Variants in PRMT8 observed in about 807,000 individuals in gnomAD.
PRMT8 encodes the protein protein arginine methyltransferase 8.
Under a neutral mutation model 47.1 loss-of-function variants are expected in PRMT8, and 7 were observed. The observed-to-expected ratio is 0.15, with a 90% CI of 0.08 to 0.28. The LOEUF (loss-of-function observed/expected upper bound fraction) is 0.28, where lower values mean the gene tolerates loss of function less well. Ranked by LOEUF, PRMT8 falls within the 10% of genes least tolerant of loss-of-function variation. The pLI is 1.00. For missense variants in PRMT8, 237 were observed against 505.4 expected (o/e 0.47, Z 5.09); for synonymous variants, 188 against 186.5 (o/e 1.01, Z -0.07).
intron 1 of PRMT8, among the ~76,000 whole-genome samples, chr12:3,517,149 G>A (rs1040916351): frequency 1.3e-5 from 2 of 152,158 alleles, no homozygotes; most frequent in Admixed American, 6.5e-5. Flanking sequence ...TGTGCACCAG[G>A]GGATCAGTTG....
intron 1 of PRMT8, among the ~76,000 whole-genome samples, chr12:3,533,331 G>T (rs1866064151): frequency 6.6e-6 from 1 of 152,216 alleles, no homozygotes; most frequent in African/African-American, 2.4e-5. Context: ...CGTCTCGCAG[G>T]ACTGGCAACA....
chr12:3,522,369 A>C (rs1240182064), intron 1 of PRMT8, among the ~76,000 whole-genome samples: 16 of 152,164 alleles, frequency 1.1e-4, no homozygotes, highest in Admixed American at 1.0e-3. Context: ...TACCACTTAA[A>C]GAAAAACAAG....
At chr12:3,445,258 G>T (rs1488730236) in intron 1 of PRMT8, among the ~76,000 whole-genome samples, 2 of 152,238 alleles carry the variant, frequency 1.3e-5, no homozygotes, top group Non-Finnish European at 2.9e-5. Context: ...CCCAGGGAAA[G>T]GTGGCCGGGG....
intron 7 of PRMT8, among the ~76,000 whole-genome samples, chr12:3,577,766 A>G (rs1281902565): frequency 1.3e-5 from 2 of 152,174 alleles, no homozygotes; most frequent in African/African-American, 4.8e-5. Flanking sequence ...GACCCACGGT[A>G]GCCAAAAGAT....
intron 1 of PRMT8, among the ~76,000 whole-genome samples, chr12:3,517,740 T>A (rs952440361): frequency 5.9e-5 from 9 of 151,830 alleles, no homozygotes; most frequent in East Asian, 3.9e-4. Context: ...AGAGGGAACT[T>A]AAAAACCCCT....
chr12:3,533,721 G>A (rs74056107), intron 1 of PRMT8, among the ~76,000 whole-genome samples: 89 of 152,372 alleles, frequency 5.8e-4, no homozygotes, highest in African/African-American at 1.9e-3. Flanking sequence ...GAGGGTGCAT[G>A]TAGGGCTGTC....
At position 3,546,201 on chromosome 12, in the gene PRMT8, T is replaced by C. The variant is rs996487877; in HGVS notation, c.262-3735T>C. ...TTTGGAGACGGAAATTCAAGCAATA[T>C]TTAGAGGGAAATTTACAGCTTCAAA... On this transcript the variant is annotated intron_variant, in intron 2 of 9. Coordinates refer to ENST00000382622, the MANE Select transcript of PRMT8 (RefSeq NM_019854.5). Among the ~76,000 whole-genome samples, 4 of 152,118 alleles carry C rather than the reference T, an allele frequency of 2.6e-5. No homozygotes were observed. The South Asian group carries it at 8.3e-4, about 32-fold the overall frequency.
intron 1 of PRMT8, among the ~76,000 whole-genome samples, chr12:3,496,199 G>GATATATATATAT (rs1555085720): frequency 0.012 from 368 of 31,294 alleles, 30 homozygotes; most frequent in East Asian, 0.023. Context: ...TTTGGAAACT[G>GATATATATATAT]ATATATATAT....
intron 1 of PRMT8, among the ~76,000 whole-genome samples, chr12:3,410,532 G>A (rs1247817789): frequency 2.0e-5 from 3 of 151,998 alleles, no homozygotes; most frequent in East Asian, 1.9e-4. Flanking sequence ...TTTTTGAGAC[G>A]GAGTCTTGCT....
In PRMT8 at chr12:3,461,758, GACACAAAGTATA is replaced by G. The variant is rs539529076; in HGVS notation, c.49-78846_49-78835del. ...TGTTAACCTAAAAGGAAGAGGCTGA[GACACAAAGTATA>G]ATTTAAAGAGTTTACTTGAACCAAA... is the stretch of plus-strand genomic sequence containing the variant. On this transcript the variant is annotated intron_variant, in intron 1 of 9. Coordinates refer to the PRMT8 transcript ENST00000452611. Among the ~76,000 whole-genome samples the G allele has an allele frequency of 4.0e-5, 6 of 150,598 alleles. No homozygotes were observed. In the East Asian group the frequency reaches 1.2e-3, roughly 29 times the overall value.
At position 3,580,319 on chromosome 12, in the gene PRMT8, A is replaced by T. The variant is rs1363840671; in HGVS notation, c.829-2739A>T. On this transcript the variant is annotated intron_variant, in intron 7 of 9. Coordinates refer to ENST00000382622, the MANE Select transcript of PRMT8 (RefSeq NM_019854.5). The surrounding 1 kb of genome is among the most constrained non-coding windows in gnomAD (Gnocchi z 4.6). ...ATCCTTTAGAGGTGGAATTCCTGCC[A>T]GATGGGGGGTGCGTGTGCGTGTGTG... is the stretch of plus-strand genomic sequence containing the variant. 6.8e-6 allele frequency among the ~76,000 whole-genome samples: 1 copy of T among 147,792 alleles called. No individual in the cohort carries two copies. Among genetic ancestry groups the T allele is most frequent in the Non-Finnish European group, 1.5e-5 (1 of 67,064 alleles).
Position 3,557,038 on chromosome 12 carries a change from A to G in PRMT8, c.481+3324A>G, listed in dbSNP as rs892824661. 6.6e-6 allele frequency among the ~76,000 whole-genome samples: 1 copy of G among 152,180 alleles called. No individual in the cohort carries two copies. The highest frequency in any genetic ancestry group is 1.5e-5 in the Non-Finnish European group (1 of 68,030). ...CTTGTTTTGCTGCTTTCATTTGCTT[A>G]GTGAAGAATGAGACAGTTGCATGCC... is the stretch of plus-strand genomic sequence containing the variant. On this transcript the variant is annotated intron_variant, in intron 4 of 9. Coordinates refer to ENST00000382622, the MANE Select transcript of PRMT8 (RefSeq NM_019854.5). This position sits in a 1 kb window ranked among gnomAD's most constrained non-coding sequence, Gnocchi z 4.7.
intron 1 of PRMT8, among the ~76,000 whole-genome samples, chr12:3,485,429 T>C (rs1555084220): frequency 6.6e-6 from 1 of 152,204 alleles, no homozygotes; most frequent in Non-Finnish European, 1.5e-5. Context: ...GAACTGGCAA[T>C]GGATATTAAG....
intron 1 of PRMT8, among the ~76,000 whole-genome samples, chr12:3,397,632 T>C (rs934554302): frequency 4.8e-4 from 73 of 151,738 alleles, no homozygotes; most frequent in Middle Eastern, 3.4e-3. Flanking sequence ...GACAGGGACA[T>C]TTAAGTCTGC....
intron 1 of PRMT8, among the ~76,000 whole-genome samples, chr12:3,528,743 C>T (rs894674180): frequency 3.3e-5 from 5 of 152,046 alleles, no homozygotes; most frequent in African/African-American, 1.2e-4. Context: ...AATTTTACCT[C>T]ATTGGGTGAT....
At chr12:3,541,377 G>C (rs1315513782) in intron 2 of PRMT8, among the ~76,000 whole-genome samples, 1 of 152,150 alleles carries the variant, frequency 6.6e-6, no homozygotes, top group African/African-American at 2.4e-5. Context: ...CTCCTAACAA[G>C]AGGCATCCTG....
In PRMT8 at chr12:3,491,757, G is replaced by GCGCCGC. The variant is rs1230882766; in HGVS notation, c.75+67_75+72dup. Reference sequence around the variant, plus strand: ...GACCCCGCCGCCCACCCGGACCACCGCGCCGCCGCCGCCGCTCAGCGCCGA... The same window carrying GCGCCGC: ...GACCCCGCCGCCCACCCGGACCACCGCGCCGCCGCCGCCGCCGCCGCTCAGCGCCGA... On this transcript the variant is annotated intron_variant, in intron 1 of 9. Coordinates refer to ENST00000382622, the MANE Select transcript of PRMT8 (RefSeq NM_019854.5). 4.8e-5 allele frequency: 74 copies of GCGCCGC among 1,541,562 alleles called. No homozygotes were observed. In the African/African-American group the frequency reaches 9.0e-4, roughly 19 times the overall value.
At chr12:3,536,051 T>C (rs1866112500) in intron 1 of PRMT8, among the ~76,000 whole-genome samples, 1 of 152,206 alleles carries the variant, frequency 6.6e-6, no homozygotes, top group Non-Finnish European at 1.5e-5. Flanking sequence ...TGGAGATGCA[T>C]CTGGATTCCT....
chr12:3,542,247 T>C (rs1866244730), intron 2 of PRMT8, among the ~76,000 whole-genome samples: 1 of 152,198 alleles, frequency 6.6e-6, no homozygotes, highest in Non-Finnish European at 1.5e-5. Flanking sequence ...CCATTAAGCC[T>C]GGACCTGCAG....
Sources: gnomAD v4.1 joint callset for allele counts (sites outside exome capture counted in the v4.1 genomes callset) on GRCh38, gnomAD v4.1.1 for gene constraint, Gnocchi (gnomAD v3.1) non-coding constraint, MANE v1.5 for transcripts, NCBI Gene and HGNC (gene_info 2026-07-23, HGNC 2026-07-21) for gene names.